Variants in GANC observed in about 807,000 individuals in gnomAD.
GANC encodes glucosidase alpha, neutral C.
In GANC, 117 loss-of-function variants were observed where a neutral mutation model predicts 124.2. The observed-to-expected ratio is 0.94, with a 90% CI of 0.81 to 1.10. The LOEUF is 1.10. Among genes scored for constraint, GANC ranks in the 50% least tolerant of loss-of-function variants. The pLI is 0.00. For synonymous variants in GANC, 377 were observed against 376.8 expected, an observed-to-expected ratio of 1.00 and a Z score of -0.01; for missense variants, 1,140 against 1,095.0, an observed-to-expected ratio of 1.04 and a Z score of -0.58.
Position 42,345,771 on chromosome 15 carries a change from A to G in GANC, c.2243A>G (p.Tyr748Cys), listed in dbSNP as rs776001935. The G allele has an allele frequency of 5.6e-6, 9 of 1,611,000 alleles. No individual in the cohort carries two copies. Among genetic ancestry groups the G allele is most frequent in the Admixed American group, 5.0e-5 (3 of 59,930 alleles). The stretch of plus-strand genomic sequence containing the variant: ...GTTACTTTCTAGGTCTGGTATGACT[A>G]TAAGACATTTGCTCATTGGGAAGGA... ...LPGSNEVWYD[Y>C]KTFAHWEGGC... Residue 748 changes from tyrosine to cysteine, a missense_variant, in exon 20 of 24, where the codon TAT (tyrosine) becomes TGT (cysteine). Physicochemically the swap from Tyr to Cys is radical, Grantham distance 194 (BLOSUM62 -2). Coordinates refer to ENST00000318010, the MANE Select transcript of GANC (RefSeq NM_198141.3).
At chr15:42,303,109 G>A (rs2051962036) in intron 6 of GANC, among the ~76,000 whole-genome samples, 1 of 152,170 alleles carries the variant, frequency 6.6e-6, no homozygotes, top group African/African-American at 2.4e-5. Context: ...CATAGAGAAA[G>A]GTCAGGTTAC....
chr15:42,329,253 A>T, intron 13 of GANC, 53 bp from the exon 14 acceptor site: 1 of 1,550,768 alleles, frequency 6.4e-7, no homozygotes, highest in Non-Finnish European at 8.7e-7. Context: ...GGTGACAGCT[A>T]TTATATAGAC....
At chr15:42,350,275 C>T (rs1208703197) in intron 22 of GANC, among the ~76,000 whole-genome samples, 11 of 152,014 alleles carry the variant, frequency 7.2e-5, no homozygotes, top group African/African-American at 2.7e-4. Context: ...GGTGATCTGC[C>T]CACTTCGGCC....
At chr15:42,350,602 G>C (rs1276490697) in intron 22 of GANC, among the ~76,000 whole-genome samples, 2 of 147,694 alleles carry the variant, frequency 1.4e-5, no homozygotes, top group Non-Finnish European at 3.0e-5. Context: ...GCCCAGGCTG[G>C]AGTGCAGTGG....
chr15:42,347,590 G>A (rs1327375322), intron 20 of GANC, among the ~76,000 whole-genome samples: 6 of 152,174 alleles, frequency 3.9e-5, no homozygotes, highest in Admixed American at 3.9e-4. Context: ...CAAACAGGGA[G>A]CAAGAGGGGA....
At chr15:42,343,919 G>A (rs1012147627) in intron 19 of GANC, among the ~76,000 whole-genome samples, 7 of 152,124 alleles carry the variant, frequency 4.6e-5, no homozygotes, top group Admixed American at 6.5e-5. Flanking sequence ...CCTTGAGCAC[G>A]GGAGCATGCC....
intron 15 of GANC, among the ~76,000 whole-genome samples, chr15:42,336,172 AC>A (rs2052282181): frequency 6.6e-6 from 1 of 151,952 alleles, no homozygotes; most frequent in African/African-American, 2.4e-5. Context: ...AGCCTGAATA[AC>A]CAAGGCAGTC....
intron 15 of GANC, among the ~76,000 whole-genome samples, chr15:42,332,722 A>AT (rs1055698763): frequency 6.6e-6 from 1 of 151,448 alleles, no homozygotes; most frequent in Admixed American, 6.6e-5. Context: ...CCTGGAAAAT[A>AT]TTTTTTTTGA....
intron 8 of GANC, 140 bp downstream of exon 8, chr15:42,308,458 CCCT>C: frequency 1.8e-6 from 1 of 551,400 alleles, no homozygotes; most frequent in East Asian, 2.8e-5. Context: ...TCTTTAAGAA[CCCT>C]CCTTGAATGA....
chr15:42,337,120 A>G (rs960040315), intron 15 of GANC, among the ~76,000 whole-genome samples: 7 of 152,234 alleles, frequency 4.6e-5, no homozygotes, highest in African/African-American at 1.4e-4. Flanking sequence ...TGACCCAGCA[A>G]TCCCATTACT....
chr15:42,298,538 C>T (rs2051913650), intron 6 of GANC, among the ~76,000 whole-genome samples: 1 of 152,148 alleles, frequency 6.6e-6, no homozygotes, highest in Non-Finnish European at 1.5e-5. Context: ...TGGAACGGTT[C>T]TAAGTAGCAG....
chr15:42,289,452 G>T (rs1246413130), intron 4 of GANC, among the ~76,000 whole-genome samples: 1 of 152,166 alleles, frequency 6.6e-6, no homozygotes, highest in Non-Finnish European at 1.5e-5. Flanking sequence ...GTTCTAGGGG[G>T]TCATTCCTGG....
At chr15:42,312,569 G>T (rs2052061905) in intron 10 of GANC, among the ~76,000 whole-genome samples, 2 of 152,156 alleles carry the variant, frequency 1.3e-5, no homozygotes, top group Non-Finnish European at 2.9e-5. Context: ...GCCCAGTCTT[G>T]GGTATGTCTT....
intron 19 of GANC, among the ~76,000 whole-genome samples, chr15:42,344,529 T>C (rs2052349197): frequency 6.6e-6 from 1 of 152,208 alleles, no homozygotes; most frequent in African/African-American, 2.4e-5. Context: ...GAAGGTAATA[T>C]TCATTCCTTC....
At chr15:42,284,879 G>C (rs2051772183) in intron 3 of GANC, among the ~76,000 whole-genome samples, 1 of 152,060 alleles carries the variant, frequency 6.6e-6, no homozygotes, top group South Asian at 2.1e-4. Flanking sequence ...AAAATTATTA[G>C]ATGTATGTTC....
chr15:42,278,938 T>C (rs146549958), intron 3 of GANC, among the ~76,000 whole-genome samples: 4,695 of 152,188 alleles, frequency 0.031, 258 homozygotes, highest in African/African-American at 0.11. Context: ...GAGGCTGCAG[T>C]GAGCCATGAT....
intron 2 of GANC, chr15:42,278,017 T>G: frequency 2.6e-6 from 1 of 389,444 alleles, no homozygotes; most frequent in South Asian, 1.9e-5. Context: ...TCCCTCTCTG[T>G]TTAATAGGAA....
intron 18 of GANC, 152 bp from the exon 19 acceptor site, chr15:42,342,926 A>G (rs16973107): frequency 0.09 from 57,023 of 630,346 alleles, 3,292 homozygotes; most frequent in South Asian, 0.2. Context: ...GCATCTCTCT[A>G]ACAAATCATT....
chr15:42,302,404 C>T (rs551861946), intron 6 of GANC, among the ~76,000 whole-genome samples: 49 of 152,248 alleles, frequency 3.2e-4, no homozygotes, highest in Non-Finnish European at 5.9e-4. Flanking sequence ...GAAAAACCAG[C>T]GCAAAAGGCT....
Sources: gnomAD v4.1 joint callset for allele counts (sites outside exome capture counted in the v4.1 genomes callset) on GRCh38, gnomAD v4.1.1 for gene constraint, MANE v1.5 for transcripts, NCBI Gene and HGNC (gene_info 2026-07-23, HGNC 2026-07-21) for gene names.